The following TRMT11 variants were observed in gnomAD, a reference collection of about 807,000 sequenced individuals.
TRMT11 encodes tRNA methyltransferase 11.
Under a neutral mutation model 62.8 loss-of-function variants are expected in TRMT11, and 53 were observed. The observed-to-expected ratio is 0.84, with a 90% CI of 0.68 to 1.06. The LOEUF is 1.06. Ranked by LOEUF, TRMT11 falls within the 50% of genes least tolerant of loss-of-function variation. The probability of loss-of-function intolerance (pLI) is 0.00; values close to 1 mark genes in which losing one functional copy is unlikely to be tolerated. For synonymous variants in TRMT11, 188 were observed against 190.3 expected, an observed-to-expected ratio of 0.99 and a Z score of 0.10; for missense variants, 556 against 553.4, an observed-to-expected ratio of 1.00 and a Z score of -0.05.
chr6:126,106,747 T>C (rs1475001721), intron 17 of TRMT11, among the ~76,000 whole-genome samples: 1 of 152,164 alleles, frequency 6.6e-6, no homozygotes, highest in African/African-American at 2.4e-5. Context: ...CAGCTATCCA[T>C]ATAAAGAGCT....
intron 17 of TRMT11, among the ~76,000 whole-genome samples, chr6:126,057,410 G>A (rs549368357): frequency 1.3e-5 from 2 of 152,292 alleles, no homozygotes; most frequent in Non-Finnish European, 2.9e-5. Context: ...GGGATATTTG[G>A]CTGGAGGCAC....
intron 17 of TRMT11, among the ~76,000 whole-genome samples, chr6:126,060,451 C>A (rs1334227863): frequency 6.6e-6 from 1 of 152,188 alleles, no homozygotes. Flanking sequence ...CCTTGCAGTA[C>A]CCCCACCTCT....
the TRMT11 span, among the ~76,000 whole-genome samples, chr6:126,211,135 G>GA: frequency 6.6e-6 from 1 of 152,174 alleles, no homozygotes; most frequent in African/African-American, 2.4e-5. Flanking sequence ...CTATTGTGGA[G>GA]ATGATGACTC....
At chr6:126,003,963 C>A (rs569902308) in intron 7 of TRMT11, among the ~76,000 whole-genome samples, 1 of 152,082 alleles carries the variant, frequency 6.6e-6, no homozygotes, top group South Asian at 2.1e-4. Context: ...CTTTTTAGAT[C>A]TCTGGTTCAT....
At chr6:126,236,517 A>G in the TRMT11 span, among the ~76,000 whole-genome samples, 1 of 152,204 alleles carries the variant, frequency 6.6e-6, no homozygotes, top group African/African-American at 2.4e-5. Flanking sequence ...TCATCTTGTT[A>G]TAGATTACTA....
intron 6 of TRMT11, 123 bp from the exon 7 acceptor site, chr6:125,999,334 A>G (rs1371186459): frequency 1.7e-6 from 1 of 589,062 alleles, no homozygotes; most frequent in African/African-American, 1.9e-5. Context: ...TAAATAAATA[A>G]GTTTAGAGCA....
the TRMT11 span, chr6:126,257,783 A>G: frequency 1.7e-6 from 1 of 602,022 alleles, no homozygotes; most frequent in Non-Finnish European, 2.9e-6. Flanking sequence ...AACCCCAAAA[A>G]TGGAAAACGA....
chr6:126,137,381 G>A (rs1205180679), intron 21 of TRMT11, among the ~76,000 whole-genome samples: 3 of 151,562 alleles, frequency 2.0e-5, no homozygotes, highest in Non-Finnish European at 4.4e-5. Context: ...ACATACAAAT[G>A]GCCACAAATG....
the TRMT11 span, among the ~76,000 whole-genome samples, chr6:126,261,094 G>A: frequency 6.6e-6 from 1 of 152,070 alleles, no homozygotes; most frequent in African/African-American, 2.4e-5. Context: ...TATCCCATAA[G>A]CCCCATAGGC....
the TRMT11 span, among the ~76,000 whole-genome samples, chr6:126,259,542 T>C: frequency 6.6e-6 from 1 of 152,240 alleles, no homozygotes; most frequent in Non-Finnish European, 1.5e-5. Flanking sequence ...GGGTATTATG[T>C]TGATGGCATA....
chr6:126,081,802 C>G (rs1248859165), intron 17 of TRMT11, among the ~76,000 whole-genome samples: 1 of 152,092 alleles, frequency 6.6e-6, no homozygotes, highest in African/African-American at 2.4e-5. Context: ...GCCCTAACAC[C>G]TGGGCCTTAT....
chr6:126,188,795 C>G (rs1302142490), intron 1 of TRMT11, among the ~76,000 whole-genome samples: 1 of 152,076 alleles, frequency 6.6e-6, no homozygotes, highest in Non-Finnish European at 1.5e-5. Flanking sequence ...TATTGTCTTA[C>G]AACCAATTTC....
chr6:126,004,631 A>T (rs1393262930), intron 7 of TRMT11, among the ~76,000 whole-genome samples: 1 of 152,014 alleles, frequency 6.6e-6, no homozygotes. Context: ...CATAGTTTTC[A>T]CAAAACATTT....
chr6:126,123,382 A>G (rs1777672499), intron 21 of TRMT11, among the ~76,000 whole-genome samples: 1 of 152,140 alleles, frequency 6.6e-6, no homozygotes, highest in African/African-American at 2.4e-5. Context: ...CAAGGAACAC[A>G]GTGCGCTGAA....
intron 18 of TRMT11, among the ~76,000 whole-genome samples, chr6:126,113,767 C>T (rs148783527): frequency 2.9e-3 from 440 of 152,172 alleles, no homozygotes; most frequent in Non-Finnish European, 5.4e-3. Flanking sequence ...TCAATATTAG[C>T]AGCATCAGTG....
chr6:126,038,552 G>T (rs955265927), intron 12 of TRMT11, among the ~76,000 whole-genome samples, 153 bp from the exon 13 acceptor site: 1 of 151,966 alleles, frequency 6.6e-6, no homozygotes. Flanking sequence ...AGGATGTAAA[G>T]TGATGGTATA....
intron 1 of TRMT11, among the ~76,000 whole-genome samples, chr6:125,989,131 T>C: frequency 6.9e-6 from 1 of 145,186 alleles, no homozygotes; most frequent in Admixed American, 6.8e-5. Context: ...ATTCTTTTTT[T>C]TTTTTTTTTT....
chr6:126,093,615 A>ATT lies in TRMT11; in HGVS notation c.*1438-19250_*1438-19249insTT, dbSNP rs1451363711. On this transcript the variant is annotated intron_variant and NMD_transcript_variant, in intron 17 of 22. Coordinates refer to the TRMT11 transcript ENST00000648977. ...TATATATATATATATATATATATAT[A>ATT]TATATATATATATATATTTTCCCCC... Among the ~76,000 whole-genome samples, 8 of 89,168 alleles carry ATT rather than the reference A, an allele frequency of 9.0e-5. 2 individuals carry two copies. The highest frequency in any genetic ancestry group is 6.5e-4 in the African/African-American group (8 of 12,244). The allele number at this position is 89,168 out of a possible 152,430, so 58.5% of individuals were successfully genotyped here. A position where few individuals can be genotyped will look rare whatever the true frequency, so the allele number is the denominator to read the frequency against.
At chr6:126,154,016 C>T (rs1450060323) in intron 21 of TRMT11, among the ~76,000 whole-genome samples, 1 of 152,136 alleles carries the variant, frequency 6.6e-6, no homozygotes, top group Non-Finnish European at 1.5e-5. Flanking sequence ...AGACCAGATG[C>T]CAGGCATATT....
Sources: allele counts gnomAD v4.1 joint callset (sites outside exome capture counted in the v4.1 genomes callset), GRCh38; gene constraint gnomAD v4.1.1; transcripts MANE v1.5; gene names NCBI Gene and HGNC (gene_info 2026-07-23, HGNC 2026-07-21).